CADM2: variants seen among roughly 807,000 people sequenced by gnomAD.
CADM2 encodes the protein immunoglobulin superfamily member 4D.
In CADM2, 12 loss-of-function variants were observed where a neutral mutation model predicts 49.8. The ratio of observed to expected loss-of-function variants is 0.24; its 90% CI spans 0.15 to 0.39. The LOEUF (loss-of-function observed/expected upper bound fraction) is 0.39, where lower values mean the gene tolerates loss of function less well. CADM2 is among the 10% of genes least tolerant of loss of function. The pLI is 1.00. For missense variants in CADM2, 378 were observed against 492.3 expected (o/e 0.77, Z 2.20); for synonymous variants, 214 against 175.4 (o/e 1.22, Z -1.74).
At chr3:85,891,927 C>A (rs1321596109) in intron 5 of CADM2, among the ~76,000 whole-genome samples, 2 of 152,162 alleles carry the variant, frequency 1.3e-5, no homozygotes, top group South Asian at 4.1e-4. Flanking sequence ...CACAGAAACC[C>A]TGAGATAATA....
chr3:85,088,317 A>G (rs116560608), intron 1 of CADM2, among the ~76,000 whole-genome samples: 2,441 of 152,212 alleles, frequency 0.016, 31 homozygotes, highest in Middle Eastern at 0.024. Flanking sequence ...TTATAGTACA[A>G]TCCTTTAGAA....
chr3:85,936,917 T>A (rs184097366), intron 7 of CADM2, among the ~76,000 whole-genome samples: 104 of 151,960 alleles, frequency 6.8e-4, no homozygotes, highest in Non-Finnish European at 7.4e-5. Context: ...GTTTTTGGTC[T>A]TCTTTCCTTC....
intron 1 of CADM2, among the ~76,000 whole-genome samples, chr3:85,394,018 A>T (rs948701139): frequency 1.3e-5 from 2 of 151,956 alleles, no homozygotes; most frequent in Non-Finnish European, 2.9e-5. Flanking sequence ...GAAGCTCTCG[A>T]TCTCCTGACC....
intron 3 of CADM2, among the ~76,000 whole-genome samples, chr3:85,842,087 G>A (rs547300918): frequency 2.8e-4 from 43 of 152,044 alleles, no homozygotes; most frequent in East Asian, 2.5e-3. Flanking sequence ...CCAATCCTGC[G>A]GCTGCTGCAG....
At chr3:85,052,543 T>G (rs2035920489) in intron 1 of CADM2, among the ~76,000 whole-genome samples, 1 of 152,062 alleles carries the variant, frequency 6.6e-6, no homozygotes, top group Non-Finnish European at 1.5e-5. Context: ...GGTAACCAAT[T>G]GCCTCACCTA....
chr3:85,245,312 A>G (rs1194553099), intron 1 of CADM2, among the ~76,000 whole-genome samples: 2 of 152,116 alleles, frequency 1.3e-5, no homozygotes, highest in African/African-American at 4.8e-5. Context: ...GGAGATCGAG[A>G]CCATCCTGGC....
At chr3:85,682,353 C>T (rs1025185075) in intron 1 of CADM2, among the ~76,000 whole-genome samples, 2 of 151,924 alleles carry the variant, frequency 1.3e-5, no homozygotes, top group African/African-American at 2.4e-5. Context: ...GGAGGAAAGT[C>T]GACTCTTTCC....
At chr3:85,650,385 G>A (rs772631502) in intron 1 of CADM2, among the ~76,000 whole-genome samples, 4 of 151,860 alleles carry the variant, frequency 2.6e-5, no homozygotes, top group South Asian at 2.1e-4. Context: ...GGGAAGTTTC[G>A]TGATATCATA....
intron 6 of CADM2, among the ~76,000 whole-genome samples, chr3:85,914,297 T>G (rs1325390467): frequency 1.3e-5 from 2 of 152,094 alleles, no homozygotes; most frequent in Non-Finnish European, 2.9e-5. Flanking sequence ...TGAGCTTTGA[T>G]TATAAAGTAG....
intron 1 of CADM2, among the ~76,000 whole-genome samples, chr3:85,128,881 A>T (rs946654582): frequency 2.0e-5 from 3 of 152,204 alleles, no homozygotes; most frequent in Non-Finnish European, 2.9e-5. Flanking sequence ...CATACAGTTT[A>T]TCTTCTATGC....
At chr3:86,055,751 A>G (rs1476135036) in intron 8 of CADM2, among the ~76,000 whole-genome samples, 3 of 152,062 alleles carry the variant, frequency 2.0e-5, no homozygotes, top group African/African-American at 7.2e-5. Context: ...TCAACACATG[A>G]ATTTTGGAGG....
chr3:85,749,460 A>C (rs941481052), intron 2 of CADM2, among the ~76,000 whole-genome samples: 1 of 152,002 alleles, frequency 6.6e-6, no homozygotes, highest in Non-Finnish European at 1.5e-5. Context: ...ACATTATTAA[A>C]TGCTTTAATG....
At chr3:85,560,346 G>T (rs1576804303) in intron 1 of CADM2, among the ~76,000 whole-genome samples, 1 of 152,146 alleles carries the variant, frequency 6.6e-6, no homozygotes, top group East Asian at 1.9e-4. Context: ...CATTATTGAT[G>T]GTAGTCCAAG....
intron 3 of CADM2, among the ~76,000 whole-genome samples, chr3:85,826,931 A>G (rs1315468170): frequency 3.3e-5 from 5 of 151,982 alleles, no homozygotes; most frequent in Non-Finnish European, 5.9e-5. Context: ...GAATAGATAT[A>G]ATGCTGTTAC....
chr3:85,971,547 T>G (rs1422726555), intron 8 of CADM2, among the ~76,000 whole-genome samples: 1 of 151,714 alleles, frequency 6.6e-6, no homozygotes, highest in Non-Finnish European at 1.5e-5. Flanking sequence ...ATTTACGTTT[T>G]TCTTTTAATG....
intron 1 of CADM2, among the ~76,000 whole-genome samples, chr3:85,521,987 A>G (rs2061035735): frequency 6.6e-6 from 1 of 152,114 alleles, no homozygotes; most frequent in Non-Finnish European, 1.5e-5. Flanking sequence ...AAAGATTTTC[A>G]CAGGTCTCTG....
At chr3:86,053,214 T>A (rs568252216) in intron 8 of CADM2, among the ~76,000 whole-genome samples, 1 of 152,314 alleles carries the variant, frequency 6.6e-6, no homozygotes, top group African/African-American at 2.4e-5. Context: ...AATACAATAT[T>A]TGAAATATCC....
chr3:86,056,541 T>C (rs556582515), intron 8 of CADM2, among the ~76,000 whole-genome samples: 69 of 152,314 alleles, frequency 4.5e-4, no homozygotes, highest in African/African-American at 1.6e-3. Flanking sequence ...TTAGGATGTC[T>C]GTAAATAATG....
chr3:85,170,885 A>G (rs2040607211), intron 1 of CADM2, among the ~76,000 whole-genome samples: 1 of 152,156 alleles, frequency 6.6e-6, no homozygotes, highest in South Asian at 2.1e-4. Flanking sequence ...TAGACCACAA[A>G]ATATGTAAAC....
Sources: gnomAD v4.1 joint callset for allele counts (sites outside exome capture counted in the v4.1 genomes callset) on GRCh38, gnomAD v4.1.1 for gene constraint, MANE v1.5 for transcripts, NCBI Gene and HGNC (gene_info 2026-07-23, HGNC 2026-07-21) for gene names.